RTL4: variants seen among roughly 807,000 people sequenced by gnomAD.
RTL4 encodes retrotransposon Gag like 4.
RTL4 carries 4 observed loss-of-function variants against 5.3 expected under a neutral mutation model. That is an observed-to-expected ratio of 0.75 (90% CI 0.37 to 1.72). RTL4 has a LOEUF of 1.72. RTL4 is among the 40% of genes most tolerant of loss of function. The pLI, the probability that RTL4 is intolerant of heterozygous loss-of-function variation, is 0.04. For synonymous variants in RTL4, 98 were observed against 87.3 expected, an observed-to-expected ratio of 1.12 and a Z score of -0.68; for missense variants, 260 against 227.1, an observed-to-expected ratio of 1.14 and a Z score of -0.93.
the RTL4 span, among the ~76,000 whole-genome samples, chrX:112,161,834 TTCCTTC>T: frequency 2.7e-3 from 121 of 44,634 alleles, 1 homozygote; most frequent in Non-Finnish European, 3.4e-3. Context: ...CCTTCCTTCC[TTCCTTC>T]CTTCCTTTCT....
chrX:112,367,872 T>C, the RTL4 span, among the ~76,000 whole-genome samples: 1 of 111,975 alleles, frequency 8.9e-6, no homozygotes, highest in Non-Finnish European at 1.9e-5. Context: ...GTTAATAAGT[T>C]ATCCAGACAA....
chrX:112,230,591 C>G, the RTL4 span, among the ~76,000 whole-genome samples: 1 of 112,388 alleles, frequency 8.9e-6, no homozygotes, highest in Middle Eastern at 4.6e-3. Flanking sequence ...AGAAATCACC[C>G]GTCTTCTGCA....
At chrX:112,404,492 C>G in the RTL4 span, among the ~76,000 whole-genome samples, 6 of 111,981 alleles carry the variant, frequency 5.4e-5, no homozygotes, top group East Asian at 1.7e-3. Flanking sequence ...TTTGCGTCCC[C>G]TTCTTATGCC....
At chrX:112,309,364 C>A in the RTL4 span, among the ~76,000 whole-genome samples, 1 of 111,108 alleles carries the variant, frequency 9.0e-6, no homozygotes, top group Non-Finnish European at 1.9e-5. Flanking sequence ...TCATCTAAAC[C>A]TAACTACCAC....
chrX:112,344,980 C>T, the RTL4 span, among the ~76,000 whole-genome samples: 1 of 111,450 alleles, frequency 9.0e-6, no homozygotes, highest in Non-Finnish European at 1.9e-5. Flanking sequence ...GTGAGACTTA[C>T]TCACTACTGC....
the RTL4 span, among the ~76,000 whole-genome samples, chrX:112,413,209 ACTG>A: frequency 2.1e-4 from 24 of 111,662 alleles, no homozygotes; most frequent in Admixed American, 9.5e-4. Flanking sequence ...GGGAATAGCA[ACTG>A]CTAGCAGGGA....
the RTL4 span, among the ~76,000 whole-genome samples, chrX:112,240,131 G>T: frequency 4.5e-5 from 5 of 111,585 alleles, no homozygotes; most frequent in African/African-American, 1.6e-4. Flanking sequence ...GAACCAAAGG[G>T]ATATTATAGA....
chrX:112,365,030 G>A, the RTL4 span, among the ~76,000 whole-genome samples: 1 of 111,494 alleles, frequency 9.0e-6, no homozygotes, highest in Non-Finnish European at 1.9e-5. Flanking sequence ...TAGAATGTAA[G>A]ATGGTGGGTA....
At chrX:112,203,080 C>T in the RTL4 span, among the ~76,000 whole-genome samples, 1 of 110,831 alleles carries the variant, frequency 9.0e-6, no homozygotes, top group Non-Finnish European at 1.9e-5. Flanking sequence ...AGAACTGTCT[C>T]TTCGTATCTC....
At chrX:112,377,340 C>T in the RTL4 span, among the ~76,000 whole-genome samples, 4 of 111,744 alleles carry the variant, frequency 3.6e-5, no homozygotes, top group South Asian at 7.5e-4. Flanking sequence ...CATAGCTTAG[C>T]GTAGCTTACC....
the RTL4 span, among the ~76,000 whole-genome samples, chrX:112,127,254 G>T: frequency 9.0e-6 from 1 of 111,357 alleles, no homozygotes; most frequent in Non-Finnish European, 1.9e-5. Flanking sequence ...ATGCAAGAGT[G>T]AGTGGTTCAT....
the RTL4 span, among the ~76,000 whole-genome samples, chrX:112,199,241 A>G: frequency 9.7e-6 from 1 of 103,247 alleles, no homozygotes; most frequent in Non-Finnish European, 2.0e-5. Flanking sequence ...GTGAGCCAAG[A>G]TCGTGCCACT....
chrX:112,373,495 C>T, the RTL4 span, among the ~76,000 whole-genome samples: 4 of 110,668 alleles, frequency 3.6e-5, no homozygotes, highest in Non-Finnish European at 7.6e-5. Context: ...CTTTATATAA[C>T]CTAGAAATGA....
At chrX:112,180,903 G>A in the RTL4 span, among the ~76,000 whole-genome samples, 5 of 112,108 alleles carry the variant, frequency 4.5e-5, no homozygotes, top group African/African-American at 1.3e-4. Context: ...TGGCCGAATC[G>A]GGACAGCTCC....
chrX:112,333,092 G>A, the RTL4 span, among the ~76,000 whole-genome samples: 1 of 110,311 alleles, frequency 9.1e-6, no homozygotes, highest in Non-Finnish European at 1.9e-5. Context: ...TGGTGTGTGT[G>A]TGTGTGTGTG....
chrX:112,400,459 T>C, the RTL4 span, among the ~76,000 whole-genome samples: 48 of 112,087 alleles, frequency 4.3e-4, no homozygotes, highest in African/African-American at 1.5e-3. Flanking sequence ...CTTGAACATA[T>C]GGAATACAGT....
the RTL4 span, among the ~76,000 whole-genome samples, chrX:112,283,455 A>G: frequency 3.6e-5 from 4 of 111,830 alleles, no homozygotes; most frequent in East Asian, 1.1e-3. Context: ...GACTATCAAG[A>G]GTATAAATCA....
chrX:112,434,892 T>TCAATTTA, the RTL4 span, among the ~76,000 whole-genome samples: 2 of 111,343 alleles, frequency 1.8e-5, no homozygotes, highest in Non-Finnish European at 3.8e-5. Flanking sequence ...GGAAAAGGGA[T>TCAATTTA]TAATTGACTC....
the RTL4 span, among the ~76,000 whole-genome samples, chrX:112,383,162 A>G: frequency 8.9e-6 from 1 of 112,065 alleles, no homozygotes; most frequent in African/African-American, 3.2e-5. Flanking sequence ...AATGTGTACC[A>G]TATGTTTATT....
Sources: allele counts gnomAD v4.1 joint callset (sites outside exome capture counted in the v4.1 genomes callset), GRCh38; gene constraint gnomAD v4.1.1; transcripts MANE v1.5; gene names NCBI Gene and HGNC (gene_info 2026-07-23, HGNC 2026-07-21).